Variants in EXTL2 observed in about 807,000 individuals in gnomAD.
EXTL2 encodes the protein exostosin-like 2.
A neutral mutation model predicts 30.7 loss-of-function variants in EXTL2; 23 were observed. The observed-to-expected ratio is 0.75, with a 90% CI of 0.54 to 1.06. EXTL2 has a LOEUF of 1.06. Ranked by LOEUF, EXTL2 falls within the 50% of genes least tolerant of loss-of-function variation. The probability of loss-of-function intolerance (pLI) is 0.00; values close to 1 mark genes in which losing one functional copy is unlikely to be tolerated. For missense variants in EXTL2, 352 were observed against 396.3 expected, an observed-to-expected ratio of 0.89 and a Z score of 0.95; for synonymous variants, 123 against 133.8, an observed-to-expected ratio of 0.92 and a Z score of 0.56.
intron 2 of EXTL2, chr1:100,885,955 A>G (rs1032576388): frequency 1.3e-5 from 2 of 152,252 alleles, no homozygotes; most frequent in East Asian, 3.8e-4. Context: ...AATAATAAAT[A>G]TAGCAGTAAA....
At chr1:100,887,884 A>G (rs1228885625) in intron 2 of EXTL2, among the ~76,000 whole-genome samples, 1 of 152,102 alleles carries the variant, frequency 6.6e-6, no homozygotes, top group African/African-American at 2.4e-5. Context: ...TATTTTTAGT[A>G]GAGACGGGGT....
chr1:100,877,755 G>A lies in EXTL2; in HGVS notation c.154C>T (p.Arg52Cys), dbSNP rs931774324. 10 of 1,613,068 alleles carry A rather than the reference G, an allele frequency of 6.2e-6. No homozygotes were observed. Among genetic ancestry groups the A allele is most frequent in the East Asian group, 2.2e-5 (1 of 44,870 alleles). ...TTGCCCTGGGATTTTATTTCCCTAC[G>A]CAACATGAGCATCTTGTCTTCTTTA... Reference protein sequence around the residue: ...SVKEDKMLMLRREIKSQGKST... With the variant: ...SVKEDKMLMLCREIKSQGKST... The change falls in exon 3 of 5, where the codon CGT (arginine) becomes TGT (cysteine). Residue 52 changes from arginine to cysteine, a missense_variant. Transcript: ENST00000370114. This position sits in a 1 kb window ranked among gnomAD's most constrained non-coding sequence, Gnocchi z 4.1.
At chr1:100,876,701 T>C (rs1455222617) in intron 4 of EXTL2, 93 bp downstream of exon 4, 1 of 786,070 alleles carries the variant, frequency 1.3e-6, no homozygotes, top group African/African-American at 1.7e-5. Context: ...ATCTAAAATA[T>C]TTTAGGTAAC....
intron 1 of EXTL2, among the ~76,000 whole-genome samples, chr1:100,894,312 A>G (rs1650680429): frequency 1.3e-5 from 2 of 152,124 alleles, no homozygotes; most frequent in Admixed American, 6.6e-5. Context: ...CTGCTAATAC[A>G]AAAACTTCCT....
chr1:100,895,063 G>A (rs1409514585), upstream of EXTL2: 1 of 152,212 alleles, frequency 6.6e-6, no homozygotes, highest in Admixed American at 6.5e-5. Flanking sequence ...TCCACCGCGG[G>A]TGCCCAGGAA....
Position 100,873,718 on chromosome 1 carries a change from C to A in EXTL2, c.*224G>T. 1 of 434,786 alleles carries A rather than the reference C, an allele frequency of 2.3e-6. No homozygotes were observed. The highest frequency in any genetic ancestry group is 4.0e-6 in the Non-Finnish European group (1 of 247,296). 26.9% of individuals were successfully genotyped at this position (434,786 alleles called of 1,614,324 possible). A position where few individuals can be genotyped will look rare whatever the true frequency, so the allele number is the denominator to read the frequency against. ...AAAATCACTGACCAAGGAGTTATAT[C>A]CCTGGATGAAAACTCTTCATAAGAA... On this transcript the variant is annotated 3_prime_UTR_variant, in exon 5 of 5. Transcript: ENST00000370114.
chr1:100,893,398 TC>T (rs1318284044), intron 1 of EXTL2, among the ~76,000 whole-genome samples: 1 of 152,168 alleles, frequency 6.6e-6, no homozygotes, highest in Non-Finnish European at 1.5e-5. Context: ...TCCAAGGGCA[TC>T]CCTTGTGTAA....
chr1:100,883,265 T>C (rs1444438070), intron 2 of EXTL2, among the ~76,000 whole-genome samples: 1 of 152,212 alleles, frequency 6.6e-6, no homozygotes, highest in Non-Finnish European at 1.5e-5. Flanking sequence ...AAGTATACAG[T>C]TCAGTAGCTT....
At chr1:100,887,928 T>C (rs1435604695) in intron 2 of EXTL2, among the ~76,000 whole-genome samples, 2 of 152,142 alleles carry the variant, frequency 1.3e-5, no homozygotes, top group East Asian at 3.8e-4. Flanking sequence ...CTCGATCTCC[T>C]GACCTTGTGA....
intron 1 of EXTL2, among the ~76,000 whole-genome samples, chr1:100,889,503 T>A (rs575547206): frequency 1.3e-5 from 2 of 152,166 alleles, no homozygotes; most frequent in African/African-American, 2.4e-5. Flanking sequence ...CTTAACTCAT[T>A]CCAGCATTAA....
At chr1:100,892,423 C>T (rs113497782) in intron 1 of EXTL2, among the ~76,000 whole-genome samples, 90 of 152,146 alleles carry the variant, frequency 5.9e-4, no homozygotes, top group Non-Finnish European at 8.4e-4. Flanking sequence ...TTGTCAGGGG[C>T]TCTCAGGTCT....
At chr1:100,875,646 T>C (rs1649055748) in intron 4 of EXTL2, among the ~76,000 whole-genome samples, 1 of 152,108 alleles carries the variant, frequency 6.6e-6, no homozygotes, top group African/African-American at 2.4e-5. Context: ...ATCATTATGC[T>C]ATGCAGGGTT....
chr1:100,878,123 A>G (rs1272995107), intron 2 of EXTL2, among the ~76,000 whole-genome samples: 1 of 152,156 alleles, frequency 6.6e-6, no homozygotes, highest in Non-Finnish European at 1.5e-5. Flanking sequence ...TTGCAGACAA[A>G]AGATGTTATA....
intron 2 of EXTL2, chr1:100,880,842 C>T: frequency 4.5e-6 from 2 of 445,806 alleles, no homozygotes; most frequent in Non-Finnish European, 5.9e-6. Context: ...AGAAGTGTTT[C>T]TGATCTCTAG....
In EXTL2 at chr1:100,888,803, A is replaced by T. The variant is rs968336407; in HGVS notation, c.-46T>A. 1 of 1,490,508 alleles carries T rather than the reference A, an allele frequency of 6.7e-7. No individual in the cohort carries two copies. Among genetic ancestry groups the T allele is most frequent in the African/African-American group, 1.4e-5 (1 of 71,656 alleles). The allele number at this position is 1,490,508 out of a possible 1,614,324, so 92.3% of individuals were successfully genotyped here. On this transcript the variant is annotated 5_prime_UTR_variant, in exon 2 of 5. Coordinates refer to ENST00000370114, the MANE Select transcript of EXTL2 (RefSeq NM_001033025.3). ...AAAAAATCTCCTTATAGCTTCAGTA[A>T]TTGACAGAAGCAGGCTCACTTGTCA...
chr1:100,879,707 G>T (rs1649416484), intron 2 of EXTL2, among the ~76,000 whole-genome samples: 2 of 152,042 alleles, frequency 1.3e-5, no homozygotes, highest in Admixed American at 1.3e-4. Flanking sequence ...TATACTAACT[G>T]CAAAGAGCTA....
chr1:100,886,425 G>C (rs1211943000), intron 2 of EXTL2, among the ~76,000 whole-genome samples: 4 of 152,156 alleles, frequency 2.6e-5, no homozygotes, highest in Non-Finnish European at 5.9e-5. Flanking sequence ...TTTCTTAACA[G>C]GTAAATCAGG....
intron 2 of EXTL2, among the ~76,000 whole-genome samples, chr1:100,878,708 T>TTTA: frequency 6.6e-6 from 1 of 152,204 alleles, no homozygotes; most frequent in South Asian, 2.1e-4. Flanking sequence ...TAATTTATTA[T>TTTA]TTATTATTAT....
chr1:100,874,158 A>T lies in EXTL2; in HGVS notation c.777T>A (p.Thr259=). 1 of 1,613,048 alleles carries T rather than the reference A, an allele frequency of 6.2e-7. No homozygotes were observed. The highest frequency in any genetic ancestry group is 8.5e-7 in the Non-Finnish European group (1 of 1,179,500). The change falls in exon 5 of 5, where the codon ACT becomes ACA. Residue 259 remains threonine (T), a synonymous_variant. Transcript: ENST00000370114. ...TTACAGGCTTCACAAATATCCCTGAAGTCTTGCCAATATGCTTGGCAATGA... is the reference window on the plus strand; with the variant it reads ...TTACAGGCTTCACAAATATCCCTGATGTCTTGCCAATATGCTTGGCAATGA... ...NFIIAKHIGK[T]SGIFVKPVNM... is the part of the protein sequence containing the mutation.
Sources: allele counts gnomAD v4.1 joint callset (sites outside exome capture counted in the v4.1 genomes callset), GRCh38; gene constraint gnomAD v4.1.1; non-coding constraint Gnocchi (gnomAD v3.1); transcripts MANE v1.5; gene names NCBI Gene and HGNC (gene_info 2026-07-23, HGNC 2026-07-21).